The following LYST variants were observed in gnomAD, a reference collection of about 807,000 sequenced individuals.
LYST encodes lysosomal trafficking regulator.
A neutral mutation model predicts 413.6 loss-of-function variants in LYST; 192 were observed. The ratio of observed to expected loss-of-function variants is 0.46; its 90% CI spans 0.41 to 0.52. The LOEUF (loss-of-function observed/expected upper bound fraction) is 0.52, where lower values mean the gene tolerates loss of function less well. Among genes scored for constraint, LYST ranks in the 20% least tolerant of loss-of-function variants. The pLI is 0.00. For missense variants in LYST, 3,815 were observed against 4,499.9 expected (o/e 0.85, Z 4.35); for synonymous variants, 1,525 against 1,567.3 (o/e 0.97, Z 0.64).
intron 17 of LYST, 79 bp downstream of exon 17, chr1:235,776,984 G>A: frequency 7.6e-7 from 1 of 1,312,510 alleles, no homozygotes; most frequent in African/African-American, 1.5e-5. Context: ...TTTTCGTGTG[G>A]TCCAAAAGAA....
At chr1:235,819,178 G>T (rs971728749) in intron 3 of LYST, among the ~76,000 whole-genome samples, 2 of 152,136 alleles carry the variant, frequency 1.3e-5, no homozygotes, top group Admixed American at 1.3e-4. Context: ...TAGCACTGGG[G>T]GAAACGAGTC....
At chr1:235,677,433 G>A in intron 49 of LYST, 47 bp downstream of exon 49, 1 of 1,580,604 alleles carries the variant, frequency 6.3e-7, no homozygotes, top group Admixed American at 1.7e-5. Flanking sequence ...TAGTAAAAAT[G>A]GATATATTAA....
Position 235,804,643 on chromosome 1 carries a change from A to ATTTGAAGT in LYST, c.3415_3416insACTTCAAA (p.Leu1139TyrfsTer7). 1 of 1,607,020 alleles carries ATTTGAAGT rather than the reference A, an allele frequency of 6.2e-7. No individual in the cohort carries two copies. Among genetic ancestry groups the ATTTGAAGT allele is most frequent in the Non-Finnish European group, 8.5e-7 (1 of 1,174,096 alleles). On this transcript the variant is annotated frameshift_variant, in exon 7 of 53. Transcript: ENST00000389793. LOFTEE classifies it high-confidence loss of function. The stretch of plus-strand genomic sequence containing the variant: ...GGAAAGATGGTCCCTCATTTCAAAT[A>ATTTGAAGT]ATATACTTTCCACAGACAAGTTCTA...
At chr1:235,777,562 G>A (rs1669399447) in intron 16 of LYST, among the ~76,000 whole-genome samples, 3 of 152,208 alleles carry the variant, frequency 2.0e-5, no homozygotes, top group East Asian at 1.9e-4. Flanking sequence ...AGCTTTGTTC[G>A]GTTTAGAATA....
intron 48 of LYST, 117 bp from the exon 49 acceptor site, chr1:235,677,736 T>C (rs1659496215): frequency 1.4e-6 from 1 of 717,702 alleles, no homozygotes; most frequent in Admixed American, 2.5e-5. Flanking sequence ...ATATCATTCT[T>C]CAATCCTATT....
chr1:235,828,004 A>C (rs184516504), intron 3 of LYST: 12 of 390,784 alleles, frequency 3.1e-5, no homozygotes, highest in Non-Finnish European at 3.5e-5. Flanking sequence ...CAAATGGCCA[A>C]TAAGCAAATG....
At chr1:235,830,515 T>C (rs1212130899) in intron 2 of LYST, 91 bp from the exon 3 acceptor site, 2 of 1,031,822 alleles carry the variant, frequency 1.9e-6, no homozygotes, top group African/African-American at 1.6e-5. Context: ...TGTTTCTAAC[T>C]GAAGATTGGC....
At chr1:235,800,234 G>A in intron 10 of LYST, 86 bp downstream of exon 10, 1 of 905,748 alleles carries the variant, frequency 1.1e-6, no homozygotes, top group Non-Finnish European at 1.8e-6. Context: ...ACAGGCATGA[G>A]CCACCACACC....
Position 235,777,155 on chromosome 1 carries a change from G to A in LYST, c.5368C>T (p.Leu1790=). 6.2e-7 allele frequency: 1 copy of A among 1,613,488 alleles called. No homozygotes were observed. Among genetic ancestry groups the A allele is most frequent in the Non-Finnish European group, 8.5e-7 (1 of 1,179,570 alleles). Residue 1790 remains leucine (L), a synonymous_variant, in exon 17 of 53, where the codon CTA becomes TTA. Coordinates refer to ENST00000389793, the MANE Select transcript of LYST (RefSeq NM_000081.4). The stretch of plus-strand genomic sequence containing the variant: ...TATTCAGTAGGTTGGAGATTCTTTA[G>A]ATGATGAGGTTCTAATAAGATGCTC... ...VQSILLEPHH[L]KNLQPTEYKT...
chr1:235,679,177 C>CA (rs912544618), intron 48 of LYST, among the ~76,000 whole-genome samples: 8 of 152,222 alleles, frequency 5.3e-5, no homozygotes, highest in African/African-American at 1.9e-4. Flanking sequence ...GCGACCAGAT[C>CA]AGCTTTTAAC....
At chr1:235,680,860 A>C (rs1659759053) in intron 48 of LYST, among the ~76,000 whole-genome samples, 1 of 152,114 alleles carries the variant, frequency 6.6e-6, no homozygotes, top group Non-Finnish European at 1.5e-5. Context: ...CAGCCTCCCA[A>C]AGTGTTGGGA....
chr1:235,720,767 G>A lies in LYST; in HGVS notation c.9454C>T (p.His3152Tyr). The A allele has an allele frequency of 1.9e-6, 3 of 1,614,106 alleles. No homozygotes were observed. The highest frequency in any genetic ancestry group is 1.7e-6 in the Non-Finnish European group (2 of 1,179,998). Residue 3152 changes from histidine (H) to tyrosine (Y), a missense_variant, in exon 40 of 53, where the codon CAT becomes TAT. By Grantham distance (83) the His-to-Tyr change is moderately conservative. Transcript: ENST00000389793. The stretch of plus-strand genomic sequence containing the variant: ...AGATCATTGAAGGATCGGCCAGCAT[G>A]TTTGTTTAAGTGAGTCAAATATTCA... ...NFEYLTHLNK[H>Y]AGRSFNDLMQ... is the part of the protein sequence containing the mutation.
At chr1:235,728,859 C>T (rs1039266802) in intron 37 of LYST, among the ~76,000 whole-genome samples, 2 of 152,132 alleles carry the variant, frequency 1.3e-5, no homozygotes, top group Non-Finnish European at 2.9e-5. Flanking sequence ...CTATAGCTTA[C>T]AACATTCATT....
chr1:235,720,535 G>A (rs984893047), intron 40 of LYST, 126 bp downstream of exon 40: 6 of 899,534 alleles, frequency 6.7e-6, no homozygotes, highest in African/African-American at 6.7e-5. Flanking sequence ...AGGGTGATAG[G>A]TATGTGGGGT....
At chr1:235,720,501 T>C (rs1034658834) in intron 40 of LYST, among the ~76,000 whole-genome samples, 160 bp downstream of exon 40, 1 of 152,192 alleles carries the variant, frequency 6.6e-6, no homozygotes. Flanking sequence ...GGCAAAAATC[T>C]TCATAATTCA....
At chr1:235,851,705 A>T (rs1678563413) in intron 1 of LYST, among the ~76,000 whole-genome samples, 1 of 152,024 alleles carries the variant, frequency 6.6e-6, no homozygotes, top group African/African-American at 2.4e-5. Flanking sequence ...GTGGATAATA[A>T]ATACACTCTC....
At chr1:235,768,597 T>A (rs1160046172) in intron 20 of LYST, among the ~76,000 whole-genome samples, 1 of 152,072 alleles carries the variant, frequency 6.6e-6, no homozygotes, top group Non-Finnish European at 1.5e-5. Flanking sequence ...TAAAGAACTA[T>A]ACATGTAAAG....
chr1:235,729,686 A>G, intron 36 of LYST, 29 bp from the exon 37 acceptor site: 1 of 1,507,000 alleles, frequency 6.6e-7, no homozygotes, highest in Non-Finnish European at 9.2e-7. Flanking sequence ...AATTACTATG[A>G]CTAAATGTTC....
intron 12 of LYST, among the ~76,000 whole-genome samples, chr1:235,789,612 T>C (rs1026002900): frequency 1.3e-5 from 2 of 152,224 alleles, no homozygotes; most frequent in African/African-American, 4.8e-5. Context: ...TACTGCTTAT[T>C]AGACTGCATA....
Sources: allele counts gnomAD v4.1 joint callset (sites outside exome capture counted in the v4.1 genomes callset), GRCh38; gene constraint gnomAD v4.1.1; transcripts MANE v1.5; gene names NCBI Gene and HGNC (gene_info 2026-07-23, HGNC 2026-07-21).